Variants in TMEM87A observed in about 807,000 individuals in gnomAD.
The protein encoded by TMEM87A is Golgi-pH regulating cation channel.
Under a neutral mutation model 90.0 loss-of-function variants are expected in TMEM87A, and 50 were observed. That is an observed-to-expected ratio of 0.56 (90% confidence interval 0.44 to 0.70). The LOEUF is 0.70. Among genes scored for constraint, TMEM87A ranks in the 30% least tolerant of loss-of-function variants. The pLI is 0.00. For synonymous variants in TMEM87A, 226 were observed against 226.7 expected (o/e 1.00, Z 0.03); for missense variants, 577 against 660.5 (o/e 0.87, Z 1.39).
rs578220746 is a variant in TMEM87A, at chr15:42,273,410, T to C, written c.-12A>G. The C allele has an allele frequency of 1.4e-5, 23 of 1,613,764 alleles. No homozygotes were observed. The South Asian group carries it at 2.1e-4, about 15-fold the overall frequency. ...GCAGCCGCCGCCATCTTCACAGCCGTGGAGTGCCTACCGAAAGCATTTCAC... is the reference window on the plus strand; with the variant it reads ...GCAGCCGCCGCCATCTTCACAGCCGCGGAGTGCCTACCGAAAGCATTTCAC... On this transcript the variant is annotated 5_prime_UTR_variant, in exon 1 of 20. Coordinates refer to ENST00000389834, the MANE Select transcript of TMEM87A (RefSeq NM_015497.5).
At chr15:42,246,963 CTG>C in intron 6 of TMEM87A, among the ~76,000 whole-genome samples, 1 of 152,154 alleles carries the variant, frequency 6.6e-6, no homozygotes, top group Non-Finnish European at 1.5e-5. Context: ...CTGTTGTTTC[CTG>C]ACTTTTTACT....
intron 3 of TMEM87A, among the ~76,000 whole-genome samples, chr15:42,264,455 A>C (rs1481438681): frequency 1.3e-5 from 2 of 152,152 alleles, no homozygotes; most frequent in African/African-American, 4.8e-5. Context: ...GTAGACTGGG[A>C]AACTGCCAGA....
chr15:42,234,477 T>G (rs1318158317), intron 10 of TMEM87A, among the ~76,000 whole-genome samples: 1 of 152,216 alleles, frequency 6.6e-6, no homozygotes, highest in Non-Finnish European at 1.5e-5. Context: ...CCTAGAATAC[T>G]TCCTGGCATA....
At chr15:42,230,487 G>T (rs1414194271) in intron 12 of TMEM87A, among the ~76,000 whole-genome samples, 1 of 152,112 alleles carries the variant, frequency 6.6e-6, no homozygotes, top group East Asian at 1.9e-4. Flanking sequence ...AATTCAATAA[G>T]ATAAAGTCCA....
intron 6 of TMEM87A, chr15:42,258,586 G>T: frequency 2.2e-6 from 1 of 461,630 alleles, no homozygotes; most frequent in Non-Finnish European, 3.0e-6. Flanking sequence ...GCCACCATGA[G>T]CAACTAATTT....
chr15:42,237,389 C>T (rs971968175), intron 9 of TMEM87A, 43 bp downstream of exon 9: 34 of 1,598,866 alleles, frequency 2.1e-5, no homozygotes, highest in Non-Finnish European at 2.9e-5. Flanking sequence ...ATACATCTCA[C>T]CTTCCAACCA....
chr15:42,213,559 G>C (rs112460763), intron 19 of TMEM87A, among the ~76,000 whole-genome samples: 9,963 of 152,230 alleles, frequency 0.065, 417 homozygotes, highest in South Asian at 0.16. Context: ...AAAAAGAGCT[G>C]GGCTATGCCA....
Position 42,258,320 on chromosome 15 carries a change from T to C in TMEM87A, c.504+2638A>G, listed in dbSNP as rs534134041. 2.7e-5 allele frequency: 19 copies of C among 691,140 alleles called. No individual in the cohort carries two copies. In the African/African-American group the frequency reaches 3.4e-4, roughly 12 times the overall value. 42.8% of individuals were successfully genotyped at this position (691,140 alleles called of 1,614,324 possible). A position where few individuals can be genotyped will look rare whatever the true frequency, so the allele number is the denominator to read the frequency against. On this transcript the variant is annotated intron_variant, in intron 6 of 19. Transcript: ENST00000389834. ...ACAAAAGAATAGGAAGATAAATATATCACTGCATGGTATTATAGATTACTA... is the reference window on the plus strand; with the variant it reads ...ACAAAAGAATAGGAAGATAAATATACCACTGCATGGTATTATAGATTACTA...
At chr15:42,224,492 G>A (rs940157616) in intron 15 of TMEM87A, 1 of 152,132 alleles carries the variant, frequency 6.6e-6, no homozygotes. Context: ...CCGAACACCA[G>A]GAAAGAAAAT....
intron 4 of TMEM87A, chr15:42,262,102 G>C (rs2051306302): frequency 1.3e-5 from 2 of 152,106 alleles, no homozygotes; most frequent in Non-Finnish European, 2.9e-5. Flanking sequence ...CATTAGACTG[G>C]AGGAGGAGAG....
intron 5 of TMEM87A, 67 bp downstream of exon 5, chr15:42,261,129 C>T (rs1281901679): frequency 1.3e-6 from 2 of 1,558,142 alleles, no homozygotes; most frequent in African/African-American, 2.7e-5. Flanking sequence ...ATGCAGTGAG[C>T]ACGGGTATCT....
rs2051537916 is a variant in TMEM87A at position 42,271,922 on chromosome 15, G to A, written c.205+141C>T. 3 of 663,292 alleles carry A rather than the reference G, an allele frequency of 4.5e-6. No individual in the cohort carries two copies. The East Asian group carries it at 9.2e-5, about 20-fold the overall frequency. 41.1% of individuals were successfully genotyped at this position (663,292 alleles called of 1,614,324 possible). A position where few individuals can be genotyped will look rare whatever the true frequency, so the allele number is the denominator to read the frequency against. ...GTACTTTGAAGATGATTCAGTAAAAGGACCTTAGTAATACTAAAAATATTT... is the reference window on the plus strand; with the variant it reads ...GTACTTTGAAGATGATTCAGTAAAAAGACCTTAGTAATACTAAAAATATTT... On this transcript the variant is annotated intron_variant, in intron 2 of 19. Transcript: ENST00000389834.
chr15:42,271,902 T>C (rs1233031396), intron 2 of TMEM87A, among the ~76,000 whole-genome samples, 161 bp downstream of exon 2: 3 of 151,964 alleles, frequency 2.0e-5, no homozygotes, highest in East Asian at 1.9e-4. Context: ...CACGAGTACT[T>C]TGAAGATGAT....
upstream of TMEM87A, chr15:42,273,459 C>T: frequency 1.9e-6 from 3 of 1,604,214 alleles, no homozygotes; most frequent in Non-Finnish European, 2.6e-6. Flanking sequence ...GTCCCGCCTT[C>T]TTCCGGCTCT....
At chr15:42,273,519 T>A (rs2051609112), upstream of TMEM87A, 1 of 1,486,618 alleles carries the variant, frequency 6.7e-7, no homozygotes, top group African/African-American at 1.4e-5. Flanking sequence ...GGAGCTTGTT[T>A]GCTGTGCGGC....
intron 8 of TMEM87A, 134 bp downstream of exon 8, chr15:42,239,536 A>G: frequency 1.3e-6 from 1 of 757,558 alleles, no homozygotes; most frequent in Non-Finnish European, 2.3e-6. Context: ...TAAGAAATAA[A>G]TCCAGGACTA....
rs571407228 is a variant in TMEM87A at position 42,255,804 on chromosome 15, C to G, written c.504+5154G>C. Among the ~76,000 whole-genome samples, 6 of 150,740 alleles carry G rather than the reference C, an allele frequency of 4.0e-5. No individual in the cohort carries two copies. In the East Asian group the frequency reaches 1.2e-3, roughly 29 times the overall value. ...TTTTTTTTTTAGATGGAGTCTTGCT[C>G]TGTTGCCCAGGCTGGAGTACAACGG... On this transcript the variant is annotated intron_variant, in intron 6 of 19. Coordinates refer to ENST00000389834, the MANE Select transcript of TMEM87A (RefSeq NM_015497.5).
chr15:42,225,368 T>C (rs1249676899), intron 15 of TMEM87A, among the ~76,000 whole-genome samples: 3 of 152,148 alleles, frequency 2.0e-5, no homozygotes. Context: ...AATTTGCCTA[T>C]AGTTGGACAA....
chr15:42,253,266 A>G (rs986717953), intron 6 of TMEM87A, among the ~76,000 whole-genome samples: 1 of 152,208 alleles, frequency 6.6e-6, no homozygotes, highest in Non-Finnish European at 1.5e-5. Context: ...TCGTATGTCC[A>G]GTCTTGAGAA....
Sources: allele counts gnomAD v4.1 joint callset (sites outside exome capture counted in the v4.1 genomes callset), GRCh38; gene constraint gnomAD v4.1.1; transcripts MANE v1.5; gene names NCBI Gene and HGNC (gene_info 2026-07-23, HGNC 2026-07-21).